The following FLT3 variants were observed in gnomAD, a reference collection of about 807,000 sequenced individuals.
FLT3 encodes the protein receptor-type tyrosine-protein kinase FLT3.
In FLT3, 46 loss-of-function variants were observed where a neutral mutation model predicts 126.6. The observed-to-expected ratio is 0.36, with a 90% CI of 0.29 to 0.46. The LOEUF (loss-of-function observed/expected upper bound fraction) is 0.46, where lower values mean the gene tolerates loss of function less well. Among genes scored for constraint, FLT3 ranks in the 20% least tolerant of loss-of-function variants. The pLI, the probability that FLT3 is intolerant of heterozygous loss-of-function variation, is 1.00. For synonymous variants in FLT3, 404 were observed against 434.4 expected (o/e 0.93, Z 0.87); for missense variants, 1,069 against 1,190.3 (o/e 0.90, Z 1.50).
intron 4 of FLT3, among the ~76,000 whole-genome samples, chr13:28,054,558 C>T (rs777083396): frequency 1.4e-5 from 2 of 147,078 alleles, no homozygotes; most frequent in African/African-American, 4.9e-5. Context: ...CCCGTCTCTA[C>T]AAAAACAACA....
At chr13:28,007,820 ACT>A in intron 23 of FLT3, among the ~76,000 whole-genome samples, 1 of 152,016 alleles carries the variant, frequency 6.6e-6, no homozygotes, top group Non-Finnish European at 1.5e-5. Flanking sequence ...ACATTAGTAA[ACT>A]CTATGATTAA....
intron 9 of FLT3, among the ~76,000 whole-genome samples, chr13:28,038,015 C>T (rs1002924218): frequency 4.6e-5 from 7 of 152,182 alleles, no homozygotes; most frequent in African/African-American, 9.6e-5. Flanking sequence ...GTGCCAAAAA[C>T]GTTGGGGACT....
At chr13:28,072,706 C>A (rs1167398978) in intron 1 of FLT3, among the ~76,000 whole-genome samples, 1 of 151,240 alleles carries the variant, frequency 6.6e-6, no homozygotes, top group Non-Finnish European at 1.5e-5. Context: ...AAGATCTATT[C>A]TCTTAACAAA....
chr13:28,013,542 ATGG>A (rs1871576796), intron 23 of FLT3, among the ~76,000 whole-genome samples: 1 of 152,200 alleles, frequency 6.6e-6, no homozygotes, highest in Admixed American at 6.5e-5. Flanking sequence ...TCATCTGGAG[ATGG>A]TTCTTTTCAC....
chr13:28,033,976 G>A lies in FLT3; in HGVS notation c.1853C>T (p.Ser618Leu), dbSNP rs2137673416. 1.2e-6 allele frequency: 2 copies of A among 1,614,088 alleles called. No homozygotes were observed. The highest frequency in any genetic ancestry group is 1.7e-6 in the Non-Finnish European group (2 of 1,179,972). Residue 618 changes from serine (S) to leucine (L), a missense_variant, in exon 15 of 24, where the codon TCA (serine) becomes TTA (leucine). By Grantham distance (145) the Ser-to-Leu change is moderately radical (BLOSUM62 -2). Transcript: ENST00000241453. ...GTTCATCACTTTTCCAAAAGCACCT[G>A]ATCCTAGTACCTTCCCTGCAAAGAC... ...ENLEFGKVLG[S>L]GAFGKVMNAT...
chr13:28,035,443 C>T, intron 12 of FLT3, 52 bp downstream of exon 12: 2 of 1,551,582 alleles, frequency 1.3e-6, no homozygotes, highest in Non-Finnish European at 8.8e-7. Flanking sequence ...TGGGGACTAA[C>T]TTCTAGTGGG....
chr13:28,095,634 T>A (rs147002854), intron 1 of FLT3, among the ~76,000 whole-genome samples: 2 of 152,306 alleles, frequency 1.3e-5, no homozygotes, highest in South Asian at 4.1e-4. Flanking sequence ...AGAAAAATGA[T>A]AAAATACAAT....
chr13:28,084,246 G>A lies in FLT3; in HGVS notation c.44-13634C>T, dbSNP rs190012961. Among the ~76,000 whole-genome samples, 580 of 152,062 alleles carry A rather than the reference G, an allele frequency of 3.8e-3. 2 individuals carry two copies. The highest frequency in any genetic ancestry group is 6.5e-3 in the Non-Finnish European group (439 of 67,994). On this transcript the variant is annotated intron_variant, in intron 1 of 23. Coordinates refer to ENST00000241453, the MANE Select transcript of FLT3 (RefSeq NM_004119.3). Reference sequence around the variant, plus strand: ...GGCCTCAAGTGATCTTGCCACCTCAGCCTCCAAAAATGCTGGGATTACATG... The same window carrying A: ...GGCCTCAAGTGATCTTGCCACCTCAACCTCCAAAAATGCTGGGATTACATG...
In FLT3 at chr13:28,086,545, T is replaced by C. The variant is rs146286348; in HGVS notation, c.43+13923A>G. ...CTATACTTACTCAAATAGTTTCCAT[T>C]CCCACTATTTTGTATTCCTTTGTGT... is the stretch of plus-strand genomic sequence containing the variant. On this transcript the variant is annotated intron_variant, in intron 1 of 23. Transcript: ENST00000241453. Among the ~76,000 whole-genome samples, 37 of 152,254 alleles carry C rather than the reference T, an allele frequency of 2.4e-4. 1 individual carries two copies. The East Asian group carries it at 6.9e-3, about 29-fold the overall frequency.
intron 1 of FLT3, among the ~76,000 whole-genome samples, chr13:28,078,727 T>A (rs1000110668): frequency 1.3e-5 from 2 of 151,804 alleles, no homozygotes; most frequent in African/African-American, 4.8e-5. Flanking sequence ...TTTTTTTTTT[T>A]TTTTGAGATG....
intron 1 of FLT3, among the ~76,000 whole-genome samples, chr13:28,099,341 AAAGAT>A (rs758545502): frequency 2.6e-5 from 4 of 152,266 alleles, no homozygotes; most frequent in Non-Finnish European, 4.4e-5. Flanking sequence ...ACTAACTAGT[AAAGAT>A]AACTATTTAA....
At chr13:28,037,975 A>T (rs185172819) in intron 9 of FLT3, among the ~76,000 whole-genome samples, 1 of 152,170 alleles carries the variant, frequency 6.6e-6, no homozygotes, top group Non-Finnish European at 1.5e-5. Flanking sequence ...CAATCTATGG[A>T]AAAATTGTCT....
intron 19 of FLT3, among the ~76,000 whole-genome samples, chr13:28,020,124 C>T (rs943711346): frequency 9.2e-5 from 14 of 152,126 alleles, no homozygotes; most frequent in South Asian, 2.1e-4. Flanking sequence ...CCTCCTGATT[C>T]CATGCTTCCT....
At chr13:28,069,274 AGAT>A (rs1444814461) in intron 2 of FLT3, among the ~76,000 whole-genome samples, 3 of 152,168 alleles carry the variant, frequency 2.0e-5, no homozygotes, top group Non-Finnish European at 4.4e-5. Context: ...AGAGAATATG[AGAT>A]GATTATATGA....
intron 1 of FLT3, among the ~76,000 whole-genome samples, chr13:28,085,970 A>T (rs780941538): frequency 4.6e-5 from 7 of 152,194 alleles, no homozygotes; most frequent in Non-Finnish European, 8.8e-5. Flanking sequence ...ACATTAAAAA[A>T]ATATCCAGGA....
chr13:28,005,625 ACACT>A (rs999759660), intron 23 of FLT3, among the ~76,000 whole-genome samples: 1 of 152,140 alleles, frequency 6.6e-6, no homozygotes, highest in African/African-American at 2.4e-5. Context: ...TGAAAAGTGC[ACACT>A]CAATCTAGTC....
chr13:28,048,279 A>G lies in FLT3; in HGVS notation c.1201T>C (p.Tyr401His), dbSNP rs1875082644. Residue 401 changes from tyrosine to histidine, a missense_variant, in exon 9 of 24, where the codon TAC (tyrosine) becomes CAC (histidine). Tyr to His is a moderately conservative substitution (Grantham distance 83). Coordinates refer to ENST00000241453, the MANE Select transcript of FLT3 (RefSeq NM_004119.3). ...TAGAGTCCTTTGTGGTCTCACCTGT[A>G]TCCGTTATCAAGACCCTTTTGCTCA... ...PCEQKGLDNGYSISKFCNHKH... is the reference protein window; with the variant it reads ...PCEQKGLDNGHSISKFCNHKH... 1 of 1,613,090 alleles carries G rather than the reference A, an allele frequency of 6.2e-7. No individual in the cohort carries two copies. The highest frequency in any genetic ancestry group is 1.3e-5 in the African/African-American group (1 of 75,016).
chr13:28,047,049 G>A (rs948858090), intron 9 of FLT3, among the ~76,000 whole-genome samples: 2 of 152,032 alleles, frequency 1.3e-5, no homozygotes, highest in East Asian at 1.9e-4. Flanking sequence ...CTACCGTACC[G>A]GACAGCACAG....
intron 4 of FLT3, among the ~76,000 whole-genome samples, chr13:28,054,756 G>A (rs931697374): frequency 6.6e-6 from 1 of 152,144 alleles, no homozygotes; most frequent in Non-Finnish European, 1.5e-5. Flanking sequence ...CCTCACTGGA[G>A]CCCACCTGCT....
Sources: gnomAD v4.1 joint callset for allele counts (sites outside exome capture counted in the v4.1 genomes callset) on GRCh38, gnomAD v4.1.1 for gene constraint, MANE v1.5 for transcripts, NCBI Gene and HGNC (gene_info 2026-07-23, HGNC 2026-07-21) for gene names.